TTC13: variants seen among roughly 807,000 people sequenced by gnomAD.
TTC13 encodes the protein tetratricopeptide repeat protein 13.
A neutral mutation model predicts 120.0 loss-of-function variants in TTC13; 62 were observed. That is an observed-to-expected ratio of 0.52 (90% confidence interval 0.42 to 0.64). The LOEUF (loss-of-function observed/expected upper bound fraction) is 0.64, where lower values mean the gene tolerates loss of function less well. Ranked by LOEUF, TTC13 falls within the 30% of genes least tolerant of loss-of-function variation. TTC13 has a pLI of 0.00. For missense variants in TTC13, 824 were observed against 1,050.2 expected, an observed-to-expected ratio of 0.78 and a Z score of 2.98; for synonymous variants, 384 against 393.5, an observed-to-expected ratio of 0.98 and a Z score of 0.28.
At chr1:230,913,281 G>T (rs1232231566) in intron 18 of TTC13, among the ~76,000 whole-genome samples, 3 of 152,198 alleles carry the variant, frequency 2.0e-5, no homozygotes, top group Non-Finnish European at 4.4e-5. Context: ...CACTAGCAAA[G>T]TGTTGCATTT....
intron 5 of TTC13, 33 bp from the exon 6 acceptor site, chr1:230,943,931 C>T (rs765513756): frequency 6.6e-7 from 1 of 1,511,096 alleles, no homozygotes; most frequent in South Asian, 1.2e-5. Flanking sequence ...ATGAGACATA[C>T]TGTTACTCAA....
At chr1:230,956,563 G>A (rs1357616274) in intron 3 of TTC13, 3 of 396,302 alleles carry the variant, frequency 7.6e-6, no homozygotes, top group Middle Eastern at 3.6e-4. Context: ...GTAAATATCT[G>A]TTGAATGAAC....
chr1:230,960,162 A>T (rs946309747), intron 2 of TTC13, among the ~76,000 whole-genome samples: 2 of 152,200 alleles, frequency 1.3e-5, no homozygotes, highest in Non-Finnish European at 2.9e-5. Flanking sequence ...ATATCTGGAG[A>T]ATGGATCAAT....
chr1:230,947,471 C>A (rs1303716153), intron 4 of TTC13, among the ~76,000 whole-genome samples: 1 of 152,026 alleles, frequency 6.6e-6, no homozygotes, highest in African/African-American at 2.4e-5. Flanking sequence ...GCAGGGGTGT[C>A]CAATCTTTTG....
intron 10 of TTC13, 30 bp downstream of exon 10, chr1:230,931,706 A>C: frequency 6.2e-7 from 1 of 1,610,782 alleles, no homozygotes; most frequent in Non-Finnish European, 8.5e-7. Flanking sequence ...AGTAATTCCA[A>C]TTACAGTGTT....
At chr1:230,971,264 T>G (rs913655906) in intron 1 of TTC13, among the ~76,000 whole-genome samples, 1 of 143,100 alleles carries the variant, frequency 7.0e-6, no homozygotes, top group Admixed American at 7.7e-5. Context: ...GAGAATGGCA[T>G]GGACCCAGGA....
chr1:230,958,261 C>T lies in TTC13; in HGVS notation c.405G>A (p.Pro135=), dbSNP rs200084224. 5.7e-5 allele frequency: 91 copies of T among 1,608,738 alleles called. No individual in the cohort carries two copies. Among genetic ancestry groups the T allele is most frequent in the Admixed American group, 6.7e-5 (4 of 59,468 alleles). The change falls in exon 3 of 23, where the codon CCG becomes CCA. Residue 135 remains proline, a synonymous_variant. Transcript: ENST00000366661. ...TTGTGCTGTCATTATCAGTGGCAAA[C>T]GGGAATCTCTTCTGTTCTGCAATAG... ...AKSIAEQKRF[P]FATDNDSTNE...
chr1:230,931,873 G>A lies in TTC13; in HGVS notation c.988C>T (p.Leu330=). ...TCAGTGGCTGCTTCAAAATTGCCCA[G>A]TTCTCTAGGTATTTAATAATAGTTA... The part of the protein sequence containing the change: ...YKSLGQAYRE[L]GNFEAATESF... The change falls in exon 10 of 23, where the codon CTG becomes TTG. Residue 330 remains leucine (L), a synonymous_variant. Transcript: ENST00000366661. 2 of 1,613,932 alleles carry A rather than the reference G, an allele frequency of 1.2e-6. No individual in the cohort carries two copies. The highest frequency in any genetic ancestry group is 1.1e-5 in the South Asian group (1 of 91,060).
intron 4 of TTC13, among the ~76,000 whole-genome samples, chr1:230,946,837 T>C (rs1675046835): frequency 6.6e-6 from 1 of 152,132 alleles, no homozygotes; most frequent in South Asian, 2.1e-4. Flanking sequence ...TATATGTAAC[T>C]GGTATAGAGG....
intron 6 of TTC13, among the ~76,000 whole-genome samples, chr1:230,941,239 G>A (rs1244424673): frequency 6.6e-6 from 1 of 152,152 alleles, no homozygotes; most frequent in Non-Finnish European, 1.5e-5. Flanking sequence ...GGGTATCAGT[G>A]TTCATGCAAT....
intron 17 of TTC13, among the ~76,000 whole-genome samples, chr1:230,916,796 A>C (rs1466064219): frequency 1.3e-5 from 2 of 152,186 alleles, no homozygotes; most frequent in Non-Finnish European, 2.9e-5. Flanking sequence ...ACACCCACCC[A>C]ACTCTGTGAG....
chr1:230,942,780 T>C lies in TTC13; in HGVS notation c.672+1026A>G, dbSNP rs996373592. Among the ~76,000 whole-genome samples, 1 of 152,186 alleles carries C rather than the reference T, an allele frequency of 6.6e-6. No homozygotes were observed. ...CTCTTCCCTGCGCTGAACACTCTCC[T>C]CCATCTTGTCCCCACCACACCATGG... is the stretch of plus-strand genomic sequence containing the variant. On this transcript the variant is annotated intron_variant, in intron 6 of 22. Transcript: ENST00000366661. This position sits in a 1 kb window ranked among gnomAD's most constrained non-coding sequence, Gnocchi z 4.0.
At chr1:230,920,289 A>G (rs1672456634) in intron 17 of TTC13, 1 of 343,732 alleles carries the variant, frequency 2.9e-6, no homozygotes, top group Non-Finnish European at 5.3e-6. Flanking sequence ...AATTATATGT[A>G]TTTTTAAGTT....
intron 5 of TTC13, 50 bp from the exon 6 acceptor site, chr1:230,943,948 G>A (rs766619983): frequency 9.3e-6 from 13 of 1,400,230 alleles, no homozygotes; most frequent in Non-Finnish European, 1.1e-5. Flanking sequence ...TCAAAACCAG[G>A]CTGAAAAAAT....
Position 230,906,896 on chromosome 1 carries a change from GC to G in TTC13, c.*8del. On this transcript the variant is annotated 3_prime_UTR_variant, in exon 23 of 23. Coordinates refer to ENST00000366661, the MANE Select transcript of TTC13 (RefSeq NM_024525.5). Reference sequence around the variant, plus strand: ...CCGGCCCTTTACTTGTATAAATACAGCAGCAGAACTAGAGTTTCTTAAGACA... The same window carrying G: ...CCGGCCCTTTACTTGTATAAATACAGAGCAGAACTAGAGTTTCTTAAGACA... 1 of 1,386,036 alleles carries G rather than the reference GC, an allele frequency of 7.2e-7. No individual in the cohort carries two copies. The highest frequency in any genetic ancestry group is 9.7e-7 in the Non-Finnish European group (1 of 1,035,194). 85.9% of individuals were successfully genotyped at this position (1,386,036 alleles called of 1,614,324 possible).
At position 230,974,428 on chromosome 1, in the gene TTC13, C is replaced by T. The variant is rs965267535; in HGVS notation, c.271+4132G>A. Among the ~76,000 whole-genome samples the T allele has an allele frequency of 1.1e-4, 16 of 152,126 alleles. No homozygotes were observed. The South Asian group carries it at 1.9e-3, about 18-fold the overall frequency. On this transcript the variant is annotated intron_variant, in intron 1 of 22. Transcript: ENST00000366661. ...ATGGTCCCATCAGACGGTAATACCA[C>T]ATTTTCACTGTACATTTTCTGTATT... is the stretch of plus-strand genomic sequence containing the variant.
chr1:230,919,790 C>G (rs1282652516), intron 17 of TTC13, among the ~76,000 whole-genome samples: 7 of 152,182 alleles, frequency 4.6e-5, no homozygotes, highest in Non-Finnish European at 7.4e-5. Context: ...TTCACAGGAT[C>G]CATCCACATT....
At position 230,940,075 on chromosome 1, in the gene TTC13, A is replaced by G. The variant is rs1039858737; in HGVS notation, c.789+365T>C. On this transcript the variant is annotated intron_variant, in intron 7 of 22. Transcript: ENST00000366661. This position sits in a 1 kb window ranked among gnomAD's most constrained non-coding sequence, Gnocchi z 4.1. ...GTTTCTTGGGCTGTGAAACCCAAAGAAATTCAAATTGTACCGCTAAGTTTA... is the reference window on the plus strand; with the variant it reads ...GTTTCTTGGGCTGTGAAACCCAAAGGAATTCAAATTGTACCGCTAAGTTTA... Among the ~76,000 whole-genome samples the G allele has an allele frequency of 1.3e-5, 2 of 152,220 alleles. No individual in the cohort carries two copies. Among genetic ancestry groups the G allele is most frequent in the Admixed American group, 1.3e-4 (2 of 15,278 alleles).
chr1:230,957,405 C>CTG (rs1653504266), intron 3 of TTC13, among the ~76,000 whole-genome samples: 1 of 152,180 alleles, frequency 6.6e-6, no homozygotes, highest in Non-Finnish European at 1.5e-5. Flanking sequence ...CCACTGCACT[C>CTG]CAGCCTGGGC....
Sources: allele counts gnomAD v4.1 joint callset (sites outside exome capture counted in the v4.1 genomes callset), GRCh38; gene constraint gnomAD v4.1.1; non-coding constraint Gnocchi (gnomAD v3.1); transcripts MANE v1.5; gene names NCBI Gene and HGNC (gene_info 2026-07-23, HGNC 2026-07-21).